Variants in GALNS observed in about 807,000 individuals in gnomAD.
GALNS encodes N-acetylgalactosamine-6-sulfatase.
A neutral mutation model predicts 65.9 loss-of-function variants in GALNS; 65 were observed. The observed-to-expected ratio is 0.99, with a 90% CI of 0.81 to 1.21. The LOEUF (loss-of-function observed/expected upper bound fraction) is 1.21, where lower values mean the gene tolerates loss of function less well. Among genes scored for constraint, GALNS ranks in the 50% most tolerant of loss-of-function variants. The probability of loss-of-function intolerance (pLI) is 0.00; values close to 1 mark genes in which losing one functional copy is unlikely to be tolerated. For synonymous variants in GALNS, 346 were observed against 288.9 expected (o/e 1.20, Z -2.00); for missense variants, 776 against 700.7 (o/e 1.11, Z -1.21).
chr16:88,818,818 G>A (rs1236853421), intron 12 of GALNS, among the ~76,000 whole-genome samples: 1 of 152,216 alleles, frequency 6.6e-6, no homozygotes, highest in Admixed American at 6.5e-5. Context: ...ACCTGCCATC[G>A]CTGCCATAGC....
Position 88,826,782 on chromosome 16 carries a change from C to T in GALNS, c.1059G>A (p.Ala353=), listed in dbSNP as rs768334388. 36 of 1,604,698 alleles carry T rather than the reference C, an allele frequency of 2.2e-5. No homozygotes were observed. In the Admixed American group the frequency reaches 2.4e-4, roughly 11 times the overall value. ...MDLFTTSLAL[A]GLTPPSDRAI... is the part of the protein sequence containing the mutation. Reference sequence around the variant, plus strand: ...CCCTGTCGCTGGGCGGCGTCAGGCCCGCAAGGGCCAGGCTGGTGGTGAAGA... The same window carrying T: ...CCCTGTCGCTGGGCGGCGTCAGGCCTGCAAGGGCCAGGCTGGTGGTGAAGA... Residue 353 remains alanine (A), a synonymous_variant, in exon 10 of 14, where the codon GCG becomes GCA. Coordinates refer to ENST00000268695, the MANE Select transcript of GALNS (RefSeq NM_000512.5).
rs371263440 is a variant in GALNS, at chr16:88,816,488, T to C, written c.1482+1519A>G. The C allele has an allele frequency of 8.1e-6, 8 of 984,802 alleles. No individual in the cohort carries two copies. In the African/African-American group the frequency reaches 1.4e-4, roughly 17 times the overall value. The allele number at this position is 984,802 out of a possible 1,614,324, so 61.0% of individuals were successfully genotyped here. On this transcript the variant is annotated intron_variant, in intron 13 of 13. Transcript: ENST00000268695. Reference sequence around the variant, plus strand: ...GTCCCTTTGAAGGAAGGGCCCTGAATATCTTCCTATGAAACTTGCCAGGCA... The same window carrying C: ...GTCCCTTTGAAGGAAGGGCCCTGAACATCTTCCTATGAAACTTGCCAGGCA...
chr16:88,829,711 C>T (rs1248608863), intron 9 of GALNS, among the ~76,000 whole-genome samples: 1 of 152,254 alleles, frequency 6.6e-6, no homozygotes, highest in Non-Finnish European at 1.5e-5. Flanking sequence ...ATTGGGGGAC[C>T]CTGACAGACG....
intron 13 of GALNS, chr16:88,816,801 CT>C (rs1457096977): frequency 1.0e-6 from 1 of 985,368 alleles, no homozygotes; most frequent in Non-Finnish European, 1.2e-6. Flanking sequence ...TCAGCTGGGC[CT>C]TTTCGCCCGC....
rs774529414 is a variant in GALNS, at chr16:88,856,924, G to T, written c.-47C>A. 2 of 1,482,778 alleles carry T rather than the reference G, an allele frequency of 1.3e-6. No homozygotes were observed. Among genetic ancestry groups the T allele is most frequent in the African/African-American group, 1.5e-5 (1 of 67,976 alleles). The allele number at this position is 1,482,778 out of a possible 1,614,324, so 91.9% of individuals were successfully genotyped here. ...GCCCCGGCCAGCGAGCCGACCTAGC[G>T]AGCGTCCGCCGGCCCTTCCGGCTGG... On this transcript the variant is annotated 5_prime_UTR_variant, in exon 1 of 14. Coordinates refer to ENST00000268695, the MANE Select transcript of GALNS (RefSeq NM_000512.5).
At chr16:88,822,468 G>T in intron 12 of GALNS, 121 bp downstream of exon 12, 1 of 1,324,414 alleles carries the variant, frequency 7.6e-7, no homozygotes, top group Non-Finnish European at 1.1e-6. Flanking sequence ...AATAGCAACA[G>T]CAGATGCAGG....
intron 4 of GALNS, 49 bp downstream of exon 4, chr16:88,840,943 G>C: frequency 1.4e-6 from 2 of 1,435,022 alleles, no homozygotes; most frequent in Non-Finnish European, 2.0e-6. Flanking sequence ...ACCAAGGCCA[G>C]GAAGTGGATG....
rs544195196 is a variant in GALNS at position 88,815,035 on chromosome 16, G to A, written c.1483-510C>T. 64 of 984,406 alleles carry A rather than the reference G, an allele frequency of 6.5e-5. No individual in the cohort carries two copies. The South Asian group carries it at 2.4e-3, about 36-fold the overall frequency. The allele number at this position is 984,406 out of a possible 1,614,324, so 61.0% of individuals were successfully genotyped here. On this transcript the variant is annotated intron_variant, in intron 13 of 13. Transcript: ENST00000268695. ...GGCGTGAGCCACCGCGCTTGGCCTC[G>A]AGCAGTTTTGATGTGTCCCCTGCCC...
intron 4 of GALNS, chr16:88,838,799 T>A (rs1248241998): frequency 6.6e-6 from 1 of 152,138 alleles, no homozygotes; most frequent in Non-Finnish European, 1.5e-5. Flanking sequence ...CTGAGGAAAG[T>A]TCTTCTGCAG....
Position 88,818,092 on chromosome 16 carries a change from C to T in GALNS, c.1397G>A (p.Ser466Asn). The change falls in exon 13 of 14, where the codon AGC becomes AAC. Residue 466 changes from serine (S) to asparagine (N), a missense_variant. By Grantham distance (46) the Ser-to-Asn change is conservative. Transcript: ENST00000268695. The stretch of plus-strand genomic sequence containing the variant: ...CTGCTGGACGACCGAGGTGATCCTG[C>T]TGAGGGCCTCCTGGTACTCGGCGCT... ...FASAEYQEALSRITSVVQQHQ... is the reference protein window; with the variant it reads ...FASAEYQEALNRITSVVQQHQ... 1 of 1,573,490 alleles carries T rather than the reference C, an allele frequency of 6.4e-7. No individual in the cohort carries two copies. Among genetic ancestry groups the T allele is most frequent in the Non-Finnish European group, 8.6e-7 (1 of 1,166,212 alleles).
At chr16:88,852,243 G>C (rs1351980169) in intron 1 of GALNS, among the ~76,000 whole-genome samples, 1 of 152,208 alleles carries the variant, frequency 6.6e-6, no homozygotes, top group Admixed American at 6.5e-5. Context: ...GGCAAACAGG[G>C]TCTGGAGTGG....
intron 13 of GALNS, chr16:88,815,926 C>A (rs1909576006): frequency 1.0e-6 from 1 of 985,336 alleles, no homozygotes; most frequent in Non-Finnish European, 1.2e-6. Flanking sequence ...TGGCCACACT[C>A]CCTCTCCTCT....
chr16:88,856,861 G>T lies in GALNS; in HGVS notation c.17C>A (p.Ala6Glu). Reference sequence around the variant, plus strand: ...CAACAGCTGCCACCACCTCGTCGCCGCGACAACCGCCGCCATGGCAACCAC... The same window carrying T: ...CAACAGCTGCCACCACCTCGTCGCCTCGACAACCGCCGCCATGGCAACCAC... Reference protein sequence around the residue: MAAVVAATRWWQLLLV... With the variant: MAAVVEATRWWQLLLV... Residue 6 changes from alanine (A) to glutamate (E), a missense_variant, in exon 1 of 14, where the codon GCG (alanine) becomes GAG (glutamate). Transcript: ENST00000268695. 6.6e-7 allele frequency: 1 copy of T among 1,510,890 alleles called. No individual in the cohort carries two copies. Among genetic ancestry groups the T allele is most frequent in the East Asian group, 2.7e-5 (1 of 37,208 alleles). 93.6% of individuals were successfully genotyped at this position (1,510,890 alleles called of 1,614,324 possible). A position where few individuals can be genotyped will look rare whatever the true frequency, so the allele number is the denominator to read the frequency against.
Position 88,817,886 on chromosome 16 carries a change from A to C in GALNS, c.1482+121T>G, listed in dbSNP as rs116611634. On this transcript the variant is annotated intron_variant, in intron 13 of 13. Coordinates refer to ENST00000268695, the MANE Select transcript of GALNS (RefSeq NM_000512.5). ...TGCTCTGAGGCACGAGGGCCTCACC[A>C]CTGACGGAGGCGGGGAAGCACGCCT... 7,763 of 872,674 alleles carry C rather than the reference A, an allele frequency of 8.9e-3. 396 individuals are homozygous for C. In the African/African-American group the frequency reaches 0.11, roughly 13 times the overall value. 54.1% of individuals were successfully genotyped at this position (872,674 alleles called of 1,614,324 possible).
At position 88,855,758 on chromosome 16, in the gene GALNS, C is replaced by T. The variant is rs114092436; in HGVS notation, c.120+1000G>A. The T allele has an allele frequency of 4.0e-3, 2,194 of 546,170 alleles. 40 individuals are homozygous for T. The highest frequency in any genetic ancestry group is 0.038 in the African/African-American group (1,996 of 53,002). The allele number at this position is 546,170 out of a possible 1,614,324, so 33.8% of individuals were successfully genotyped here. ...CAGCACCTTCCAATTCCGACAGCCACGACTGCCCAGCCCTTGGGTGTGGCC... is the reference window on the plus strand; with the variant it reads ...CAGCACCTTCCAATTCCGACAGCCATGACTGCCCAGCCCTTGGGTGTGGCC... On this transcript the variant is annotated intron_variant, in intron 1 of 13. Transcript: ENST00000268695.
intron 9 of GALNS, among the ~76,000 whole-genome samples, chr16:88,827,884 C>T (rs995207931): frequency 6.6e-6 from 1 of 152,220 alleles, no homozygotes; most frequent in African/African-American, 2.4e-5. Context: ...GGCCCTGGAG[C>T]TCCCACCCAG....
rs372893383 is a variant in GALNS, at chr16:88,814,449, C to T, written c.1559G>A (p.Trp520Ter). The T allele has an allele frequency of 9.0e-6, 14 of 1,560,386 alleles. No homozygotes were observed. The highest frequency in any genetic ancestry group is 1.0e-5 in the Non-Finnish European group (12 of 1,151,836). The part of the protein sequence containing the change: ...PPESIPKKCL[W>*]SH Reference sequence around the variant, plus strand: ...GAGTCTGCGCAGGTGCTAGTGGGACCAGAGGCACTTCTTGGGAATGGATTC... The same window carrying T: ...GAGTCTGCGCAGGTGCTAGTGGGACTAGAGGCACTTCTTGGGAATGGATTC... The change falls in exon 14 of 14, where the codon TGG becomes TAG. Residue 520 changes from tryptophan to a stop codon, truncating the protein, a stop_gained. Transcript: ENST00000268695. LOFTEE classifies it high-confidence loss of function.
At chr16:88,815,086 T>C in intron 13 of GALNS, 3 of 985,458 alleles carry the variant, frequency 3.0e-6, no homozygotes, top group Non-Finnish European at 3.6e-6. Context: ...CCCAACCAAT[T>C]GGCCTCAGTG....
At chr16:88,851,121 G>A (rs1336193348) in intron 1 of GALNS, among the ~76,000 whole-genome samples, 1 of 152,134 alleles carries the variant, frequency 6.6e-6, no homozygotes, top group Non-Finnish European at 1.5e-5. Flanking sequence ...TGAAAAGCAG[G>A]TGTGGACAGC....
Sources: gnomAD v4.1 joint callset for allele counts (sites outside exome capture counted in the v4.1 genomes callset) on GRCh38, gnomAD v4.1.1 for gene constraint, MANE v1.5 for transcripts, NCBI Gene and HGNC (gene_info 2026-07-23, HGNC 2026-07-21) for gene names.